GRID2: variants seen among roughly 807,000 people sequenced by gnomAD.
The protein encoded by GRID2 is glutamate ionotropic receptor delta type subunit 2.
GRID2 carries 33 observed loss-of-function variants against 114.8 expected under a neutral mutation model. That is an observed-to-expected ratio of 0.29 (90% CI 0.22 to 0.38). The LOEUF is 0.38. Ranked by LOEUF, GRID2 falls within the 10% of genes least tolerant of loss-of-function variation. GRID2 has a pLI of 1.00. For missense variants in GRID2, 1,184 were observed against 1,257.7 expected, an observed-to-expected ratio of 0.94 and a Z score of 0.89; for synonymous variants, 505 against 449.9, an observed-to-expected ratio of 1.12 and a Z score of -1.55.
chr4:93,095,844 A>G (rs908771607), intron 3 of GRID2, among the ~76,000 whole-genome samples: 7 of 152,228 alleles, frequency 4.6e-5, no homozygotes, highest in African/African-American at 1.7e-4. Context: ...TAGATTTAAT[A>G]ATCAAAAATC....
intron 1 of GRID2, among the ~76,000 whole-genome samples, chr4:92,569,200 C>T (rs534541638): frequency 2.8e-4 from 42 of 152,054 alleles, no homozygotes; most frequent in Non-Finnish European, 4.3e-4. Flanking sequence ...TTCACTCCCA[C>T]GTATAAGTGA....
At chr4:93,570,134 A>T (rs573155172) in intron 13 of GRID2, among the ~76,000 whole-genome samples, 10 of 152,308 alleles carry the variant, frequency 6.6e-5, no homozygotes, top group African/African-American at 2.4e-4. Context: ...AGTGATTCTC[A>T]TTTAAGAGAT....
chr4:92,340,867 T>C (rs977357883), intron 1 of GRID2, among the ~76,000 whole-genome samples: 3 of 152,168 alleles, frequency 2.0e-5, no homozygotes, highest in Admixed American at 2.0e-4. Context: ...AATGGGAACT[T>C]CTCTGTCTCT....
At position 92,486,917 on chromosome 4, in the gene GRID2, G is replaced by A. The variant is rs188014624; in HGVS notation, c.89-103214G>A. Among the ~76,000 whole-genome samples the A allele has an allele frequency of 7.9e-4, 120 of 151,910 alleles. 1 individual carries two copies. Among genetic ancestry groups the A allele is most frequent in the Admixed American group, 3.1e-3 (48 of 15,250 alleles). ...GATATACAGTATAACCCAAAGGAAC[G>A]TTTAATTATGGCTTTTCTTCATTAG... On this transcript the variant is annotated intron_variant, in intron 1 of 15. Coordinates refer to ENST00000282020, the MANE Select transcript of GRID2 (RefSeq NM_001510.4).
At chr4:93,198,077 T>C (rs1484735922) in intron 4 of GRID2, among the ~76,000 whole-genome samples, 1 of 152,168 alleles carries the variant, frequency 6.6e-6, no homozygotes, top group African/African-American at 2.4e-5. Context: ...TAGGGCTATA[T>C]GGTTCTCTTA....
chr4:93,469,533 A>G (rs1724605182), intron 11 of GRID2, among the ~76,000 whole-genome samples: 1 of 151,968 alleles, frequency 6.6e-6, no homozygotes, highest in South Asian at 2.1e-4. Context: ...ATAGCAGTGC[A>G]TTCTTTTGCT....
intron 1 of GRID2, among the ~76,000 whole-genome samples, chr4:92,455,946 G>A (rs1721192724): frequency 6.6e-6 from 1 of 152,138 alleles, no homozygotes; most frequent in South Asian, 2.1e-4. Context: ...TTTTAAATGA[G>A]CAGTTTGCAA....
chr4:92,383,465 C>G (rs2110241282), intron 1 of GRID2, among the ~76,000 whole-genome samples: 1 of 152,088 alleles, frequency 6.6e-6, no homozygotes, highest in African/African-American at 2.4e-5. Context: ...CTACCTTACT[C>G]CTAACGTAAG....
chr4:92,597,806 G>T (rs1729024573), intron 2 of GRID2, among the ~76,000 whole-genome samples: 1 of 152,090 alleles, frequency 6.6e-6, no homozygotes, highest in Non-Finnish European at 1.5e-5. Flanking sequence ...TGGTTGATTT[G>T]ATTAAAAACC....
chr4:93,254,786 C>T (rs939988602), intron 8 of GRID2, among the ~76,000 whole-genome samples: 16 of 151,996 alleles, frequency 1.1e-4, no homozygotes, highest in Admixed American at 2.6e-4. Flanking sequence ...TAAAGTGTTA[C>T]GTTTATGTAT....
intron 2 of GRID2, among the ~76,000 whole-genome samples, chr4:92,827,518 A>C (rs1741805353): frequency 6.6e-6 from 1 of 151,908 alleles, no homozygotes; most frequent in African/African-American, 2.4e-5. Flanking sequence ...CCGATATTCT[A>C]CCATCCTGGT....
intron 13 of GRID2, among the ~76,000 whole-genome samples, chr4:93,586,769 T>A (rs936189858): frequency 6.6e-6 from 1 of 152,078 alleles, no homozygotes; most frequent in Non-Finnish European, 1.5e-5. Flanking sequence ...ACTTGTAAGA[T>A]CAGGACACAA....
chr4:92,644,712 G>T (rs1408167396), intron 2 of GRID2, among the ~76,000 whole-genome samples: 11 of 151,466 alleles, frequency 7.3e-5, no homozygotes, highest in African/African-American at 2.4e-5. Flanking sequence ...ATTGATAATG[G>T]ACAAAATATG....
chr4:92,394,836 A>G (rs1324122465), intron 1 of GRID2, among the ~76,000 whole-genome samples: 1 of 151,798 alleles, frequency 6.6e-6, no homozygotes. Flanking sequence ...TACATAAGTT[A>G]TTTTTAACAG....
intron 14 of GRID2, among the ~76,000 whole-genome samples, chr4:93,663,810 A>T (rs755048059): frequency 1.3e-5 from 2 of 152,214 alleles, no homozygotes; most frequent in Non-Finnish European, 2.9e-5. Context: ...AAAACTTATC[A>T]TATAAAAAGT....
chr4:93,677,517 TG>T (rs889354369), intron 14 of GRID2, among the ~76,000 whole-genome samples: 1 of 152,086 alleles, frequency 6.6e-6, no homozygotes, highest in African/African-American at 2.4e-5. Flanking sequence ...GCAGCCTAAC[TG>T]GGAGGCACCC....
At position 93,578,754 on chromosome 4, in the gene GRID2, C is replaced by T. The variant is rs1736683382; in HGVS notation, c.2194-47515C>T. Reference sequence around the variant, plus strand: ...GACTACAGGCGTCCGCCACCACGCCCAGCTAATTTTTTGTATTTTTAGTAG... The same window carrying T: ...GACTACAGGCGTCCGCCACCACGCCTAGCTAATTTTTTGTATTTTTAGTAG... On this transcript the variant is annotated intron_variant, in intron 13 of 15. Transcript: ENST00000282020. Among the ~76,000 whole-genome samples, 3 of 151,914 alleles carry T rather than the reference C, an allele frequency of 2.0e-5. 1 individual carries two copies. Among genetic ancestry groups the T allele is most frequent in the Non-Finnish European group, 4.4e-5 (3 of 67,966 alleles).
chr4:93,157,138 T>C (rs1737259700), intron 4 of GRID2, among the ~76,000 whole-genome samples: 1 of 151,688 alleles, frequency 6.6e-6, no homozygotes, highest in East Asian at 1.9e-4. Flanking sequence ...TACCTGGTAG[T>C]TGTGTTCTCA....
At chr4:92,860,227 C>T (rs192239019) in intron 2 of GRID2, among the ~76,000 whole-genome samples, 8 of 151,948 alleles carry the variant, frequency 5.3e-5, no homozygotes, top group Admixed American at 2.6e-4. Flanking sequence ...TTGAATAGAA[C>T]GTAAGAGGTG....
Sources: gnomAD v4.1 joint callset for allele counts (sites outside exome capture counted in the v4.1 genomes callset) on GRCh38, gnomAD v4.1.1 for gene constraint, MANE v1.5 for transcripts, NCBI Gene and HGNC (gene_info 2026-07-23, HGNC 2026-07-21) for gene names.